The following GRID1 variants were observed in gnomAD, a reference collection of about 807,000 sequenced individuals.
GRID1 encodes the protein glutamate ionotropic receptor delta type subunit 1, also known as glutamate receptor ionotropic, delta-1.
Under a neutral mutation model 98.0 loss-of-function variants are expected in GRID1, and 28 were observed. That is an observed-to-expected ratio of 0.29 (90% CI 0.21 to 0.39). The LOEUF is 0.39. Ranked by LOEUF, GRID1 falls within the 10% of genes least tolerant of loss-of-function variation. The pLI is 1.00. For missense variants in GRID1, 1,111 were observed against 1,340.5 expected (o/e 0.83, Z 2.67); for synonymous variants, 553 against 538.5 (o/e 1.03, Z -0.37).
At chr10:86,263,558 C>T (rs534107627) in intron 2 of GRID1, among the ~76,000 whole-genome samples, 2 of 152,350 alleles carry the variant, frequency 1.3e-5, no homozygotes, top group South Asian at 4.1e-4. Context: ...GAGGCCAAAC[C>T]CCGTCCTAGA....
chr10:86,218,926 G>C (rs994493316), intron 2 of GRID1, among the ~76,000 whole-genome samples: 1 of 152,210 alleles, frequency 6.6e-6, no homozygotes, highest in Non-Finnish European at 1.5e-5. Context: ...AGGACAATGC[G>C]GGATGTACAT....
intron 13 of GRID1, chr10:85,645,844 C>T (rs1369126608): frequency 6.6e-6 from 1 of 152,302 alleles, no homozygotes; most frequent in African/African-American, 2.4e-5. Context: ...CATGGCACCA[C>T]AGCTAGGTGC....
At chr10:86,085,297 G>A (rs756436507) in intron 4 of GRID1, among the ~76,000 whole-genome samples, 1 of 152,180 alleles carries the variant, frequency 6.6e-6, no homozygotes, top group Non-Finnish European at 1.5e-5. Context: ...CTGCCCACAG[G>A]GGCTCTGCCC....
intron 5 of GRID1, among the ~76,000 whole-genome samples, chr10:85,872,662 C>T (rs1449008335): frequency 6.6e-6 from 1 of 152,208 alleles, no homozygotes; most frequent in Non-Finnish European, 1.5e-5. Flanking sequence ...TCAGCCCCTG[C>T]CCCCAACTCC....
At chr10:85,714,394 G>A (rs377478313) in intron 12 of GRID1, among the ~76,000 whole-genome samples, 37 of 151,762 alleles carry the variant, frequency 2.4e-4, no homozygotes, top group East Asian at 1.5e-3. Flanking sequence ...CATGTACCCC[G>A]AACCTAAAAG....
chr10:86,264,592 T>A, intron 2 of GRID1: 2 of 454,186 alleles, frequency 4.4e-6, no homozygotes, highest in Non-Finnish European at 8.9e-6. Context: ...CTTCTCTGGC[T>A]CAGGAGGGCC....
chr10:86,072,553 G>T (rs558949067), intron 4 of GRID1, among the ~76,000 whole-genome samples: 1 of 152,142 alleles, frequency 6.6e-6, no homozygotes, highest in Non-Finnish European at 1.5e-5. Context: ...CAGTAGCAGA[G>T]GTAATTAAAG....
chr10:86,280,324 T>C (rs1847338659), intron 2 of GRID1, among the ~76,000 whole-genome samples: 1 of 152,166 alleles, frequency 6.6e-6, no homozygotes, highest in Admixed American at 6.5e-5. Flanking sequence ...TCTGACAAAA[T>C]TTCCACCATG....
chr10:86,299,387 G>A (rs1418502310), intron 2 of GRID1, among the ~76,000 whole-genome samples: 4 of 149,648 alleles, frequency 2.7e-5, no homozygotes, highest in Admixed American at 2.7e-4. Flanking sequence ...ACAATGTGCA[G>A]GTTTGTTACA....
chr10:85,806,536 T>C (rs1043726424), intron 8 of GRID1, among the ~76,000 whole-genome samples: 5 of 151,990 alleles, frequency 3.3e-5, no homozygotes, highest in African/African-American at 1.2e-4. Context: ...GGATTTATGA[T>C]AACCCAAGTT....
At chr10:85,819,645 A>C (rs530860431) in intron 8 of GRID1, among the ~76,000 whole-genome samples, 2 of 152,264 alleles carry the variant, frequency 1.3e-5, no homozygotes, top group African/African-American at 4.8e-5. Context: ...ATGGTGGTTC[A>C]TGCATGTAAT....
At chr10:85,727,402 T>C (rs1841772190) in intron 10 of GRID1, among the ~76,000 whole-genome samples, 1 of 152,118 alleles carries the variant, frequency 6.6e-6, no homozygotes, top group African/African-American at 2.4e-5. Flanking sequence ...ACAATTTAAA[T>C]AAGTATGAGG....
chr10:85,680,800 C>T (rs1841200734), intron 12 of GRID1, among the ~76,000 whole-genome samples: 1 of 152,186 alleles, frequency 6.6e-6, no homozygotes, highest in South Asian at 2.1e-4. Context: ...GGAACTACTA[C>T]TCAGCCATAA....
In GRID1 at chr10:85,747,909, T is replaced by C. The variant is rs527617980; in HGVS notation, c.1234-18295A>G. Among the ~76,000 whole-genome samples, 19 of 152,348 alleles carry C rather than the reference T, an allele frequency of 1.2e-4. No homozygotes were observed. The South Asian group carries it at 3.9e-3, about 32-fold the overall frequency. ...GCTTTCAGTACCAGTAAGTCTTCTT[T>C]AGTTTATACATGTAACTCAGATATG... On this transcript the variant is annotated intron_variant, in intron 8 of 15. Coordinates refer to ENST00000327946, the MANE Select transcript of GRID1 (RefSeq NM_017551.3).
intron 2 of GRID1, among the ~76,000 whole-genome samples, chr10:86,312,746 C>T (rs1027078032): frequency 6.6e-6 from 1 of 152,226 alleles, no homozygotes; most frequent in African/African-American, 2.4e-5. Context: ...CCTGCACCAC[C>T]CCAGGGGATG....
chr10:85,854,455 C>T (rs1207079159), intron 8 of GRID1, 41 bp downstream of exon 8: 1 of 1,605,244 alleles, frequency 6.2e-7, no homozygotes, highest in Admixed American at 1.7e-5. Context: ...TTTGGTGGCA[C>T]CATAGCAGGA....
At chr10:86,070,275 G>C (rs1025410341) in intron 4 of GRID1, among the ~76,000 whole-genome samples, 1 of 152,148 alleles carries the variant, frequency 6.6e-6, no homozygotes, top group Non-Finnish European at 1.5e-5. Flanking sequence ...GGGGCACTGG[G>C]AGTGTCTGTG....
At chr10:85,706,749 G>T (rs942885548) in intron 12 of GRID1, among the ~76,000 whole-genome samples, 1 of 152,162 alleles carries the variant, frequency 6.6e-6, no homozygotes, top group Non-Finnish European at 1.5e-5. Flanking sequence ...GCATGGTACT[G>T]GTACCAAAAC....
At chr10:86,354,477 C>T (rs892790528) in intron 2 of GRID1, among the ~76,000 whole-genome samples, 5 of 152,226 alleles carry the variant, frequency 3.3e-5, no homozygotes, top group Non-Finnish European at 7.3e-5. Context: ...CTCTCTCGGG[C>T]GCCATGGTGG....
Sources: allele counts gnomAD v4.1 joint callset (sites outside exome capture counted in the v4.1 genomes callset), GRCh38; gene constraint gnomAD v4.1.1; transcripts MANE v1.5; gene names NCBI Gene and HGNC (gene_info 2026-07-23, HGNC 2026-07-21).